The following EBF1 variants were observed in gnomAD, a reference collection of about 807,000 sequenced individuals.
EBF1 encodes EBF transcription factor 1.
EBF1 carries 10 observed loss-of-function variants against 68.4 expected under a neutral mutation model. The ratio of observed to expected loss-of-function variants is 0.15; its 90% CI spans 0.09 to 0.25. The LOEUF is 0.25. Ranked by LOEUF, EBF1 falls within the 10% of genes least tolerant of loss-of-function variation. The probability of loss-of-function intolerance (pLI) is 1.00; values close to 1 mark genes in which losing one functional copy is unlikely to be tolerated. For synonymous variants in EBF1, 298 were observed against 299.8 expected (o/e 0.99, Z 0.06); for missense variants, 509 against 794.4 (o/e 0.64, Z 4.32).
chr5:158,867,612 G>A (rs1370883773), intron 6 of EBF1, among the ~76,000 whole-genome samples: 2 of 151,284 alleles, frequency 1.3e-5, no homozygotes, highest in Non-Finnish European at 2.9e-5. Context: ...TGCATACAAG[G>A]TCACAGCTCT....
intron 14 of EBF1, among the ~76,000 whole-genome samples, chr5:158,711,569 G>A (rs770302357): frequency 6.6e-6 from 1 of 152,160 alleles, no homozygotes; most frequent in Non-Finnish European, 1.5e-5. Context: ...TTCCTTTTAT[G>A]TAGCTAAAAT....
intron 6 of EBF1, among the ~76,000 whole-genome samples, chr5:159,038,620 T>C (rs1313963210): frequency 6.6e-6 from 1 of 152,204 alleles, no homozygotes; most frequent in East Asian, 1.9e-4. Context: ...ATAGAGACTA[T>C]GGAGAGTGGG....
intron 6 of EBF1, among the ~76,000 whole-genome samples, chr5:158,927,692 T>C (rs1809985559): frequency 6.6e-6 from 1 of 152,174 alleles, no homozygotes; most frequent in South Asian, 2.1e-4. Context: ...ATAGATAAGA[T>C]GAGGCAAAGA....
At chr5:159,050,881 A>G (rs1773474383) in intron 6 of EBF1, among the ~76,000 whole-genome samples, 2 of 152,190 alleles carry the variant, frequency 1.3e-5, no homozygotes, top group South Asian at 4.1e-4. Flanking sequence ...AGAAAACCTC[A>G]GGTCTGACTT....
chr5:158,777,210 G>A (rs1329499526), intron 10 of EBF1, among the ~76,000 whole-genome samples: 6 of 152,082 alleles, frequency 3.9e-5, no homozygotes, highest in Non-Finnish European at 8.8e-5. Context: ...AACAGAACGC[G>A]CCATTCAACA....
At chr5:159,072,181 T>A (rs1050209631) in intron 6 of EBF1, among the ~76,000 whole-genome samples, 3 of 152,194 alleles carry the variant, frequency 2.0e-5, no homozygotes, top group Non-Finnish European at 4.4e-5. Flanking sequence ...ATATATATAT[T>A]TTAGTGAATA....
chr5:159,095,286 C>A (rs1192182048), intron 4 of EBF1, among the ~76,000 whole-genome samples: 4 of 152,150 alleles, frequency 2.6e-5, no homozygotes. Flanking sequence ...CAGCCCACTC[C>A]GCACCAGGGT....
intron 6 of EBF1, among the ~76,000 whole-genome samples, chr5:158,930,890 A>G (rs1810738583): frequency 6.6e-6 from 1 of 151,818 alleles, no homozygotes; most frequent in Admixed American, 6.6e-5. Context: ...GGTTACCCAA[A>G]AAAAAAAACA....
intron 6 of EBF1, among the ~76,000 whole-genome samples, chr5:158,904,687 T>A (rs1804170333): frequency 6.6e-6 from 1 of 152,194 alleles, no homozygotes; most frequent in Non-Finnish European, 1.5e-5. Flanking sequence ...AAAGGCCCAC[T>A]GAGTCTACCT....
intron 6 of EBF1, among the ~76,000 whole-genome samples, chr5:158,875,001 C>T (rs1430119220): frequency 6.6e-6 from 1 of 151,402 alleles, no homozygotes; most frequent in Non-Finnish European, 1.5e-5. Flanking sequence ...AAGGCTAAAA[C>T]AGCTCTCAGA....
chr5:158,845,795 AAGGGGT>A (rs1221857775), intron 6 of EBF1, among the ~76,000 whole-genome samples: 2 of 152,202 alleles, frequency 1.3e-5, no homozygotes, highest in Non-Finnish European at 2.9e-5. Flanking sequence ...ACATAAAGGA[AAGGGGT>A]AGTGCCTTAA....
rs570510614 is a variant in EBF1, at chr5:158,731,401, C to T, written c.1037-244G>A. Among the ~76,000 whole-genome samples the T allele has an allele frequency of 9.2e-5, 14 of 152,202 alleles. No individual in the cohort carries two copies. The South Asian group carries it at 2.9e-3, about 32-fold the overall frequency. On this transcript the variant is annotated intron_variant, in intron 10 of 15. Transcript: ENST00000313708. ...TAGGTCTTGAACAGTGTTCCTTTGGCCAAATTCTACACTCCTTACATGATC... is the reference window on the plus strand; with the variant it reads ...TAGGTCTTGAACAGTGTTCCTTTGGTCAAATTCTACACTCCTTACATGATC...
At chr5:158,863,666 G>A (rs901340336) in intron 6 of EBF1, among the ~76,000 whole-genome samples, 4 of 152,124 alleles carry the variant, frequency 2.6e-5, no homozygotes, top group Non-Finnish European at 1.5e-5. Flanking sequence ...TGGAATGTTT[G>A]CAAAACCAAA....
intron 6 of EBF1, among the ~76,000 whole-genome samples, chr5:158,985,410 A>G (rs533956019): frequency 2.6e-5 from 4 of 152,276 alleles, no homozygotes; most frequent in Non-Finnish European, 4.4e-5. Flanking sequence ...GTTGGTCTCT[A>G]CCCCATACCA....
Position 158,876,844 on chromosome 5 carries a change from T to G in EBF1, c.555-36734A>C, listed in dbSNP as rs138052818. On this transcript the variant is annotated intron_variant, in intron 6 of 15. Transcript: ENST00000313708. ...TTAAAAAATAGCATGATTCTCTCCC[T>G]TTCTTCTGCTCATGCCCAGCTTTGG... Among the ~76,000 whole-genome samples the G allele has an allele frequency of 1.4e-3, 206 of 152,290 alleles. 5 individuals are homozygous for G. The highest frequency in any genetic ancestry group is 0.011 in the Admixed American group (163 of 15,296).
intron 2 of EBF1, chr5:159,096,724 C>A (rs776937803): frequency 4.9e-6 from 3 of 618,096 alleles, no homozygotes; most frequent in Non-Finnish European, 8.4e-6. Flanking sequence ...TTCCGGGTGC[C>A]CATGGCTGTG....
intron 10 of EBF1, among the ~76,000 whole-genome samples, chr5:158,738,185 T>C (rs1765609192): frequency 6.6e-6 from 1 of 152,220 alleles, no homozygotes; most frequent in Non-Finnish European, 1.5e-5. Context: ...CTCTTTCTTT[T>C]TGATGTTTGT....
chr5:158,711,445 G>A (rs560133792), intron 14 of EBF1, among the ~76,000 whole-genome samples: 131 of 152,296 alleles, frequency 8.6e-4, no homozygotes, highest in Non-Finnish European at 1.5e-3. Flanking sequence ...ATCAGGACAA[G>A]CTCACTGTAT....
In EBF1 at chr5:158,696,539, G is replaced by C. The variant is rs1024629658; in HGVS notation, c.*2572C>G. The C allele has an allele frequency of 8.9e-6, 2 of 224,634 alleles. No individual in the cohort carries two copies. The highest frequency in any genetic ancestry group is 4.5e-5 in the African/African-American group (2 of 44,826). The allele number at this position is 224,634 out of a possible 1,614,324, so 13.9% of individuals were successfully genotyped here. A position where few individuals can be genotyped will look rare whatever the true frequency, so the allele number is the denominator to read the frequency against. On this transcript the variant is annotated 3_prime_UTR_variant, in exon 16 of 16. Coordinates refer to ENST00000313708, the MANE Select transcript of EBF1 (RefSeq NM_024007.5). ...ACCAGATAAAATATGGCTTTAACTT[G>C]TGTACATCTTCAGGCCAGCGCTTAC...
Sources: gnomAD v4.1 joint callset for allele counts (sites outside exome capture counted in the v4.1 genomes callset) on GRCh38, gnomAD v4.1.1 for gene constraint, MANE v1.5 for transcripts, NCBI Gene and HGNC (gene_info 2026-07-23, HGNC 2026-07-21) for gene names.